ETNK1: variants seen among roughly 807,000 people sequenced by gnomAD.
The protein encoded by ETNK1 is putative protein product of Nbla10396.
A neutral mutation model predicts 45.1 loss-of-function variants in ETNK1; 8 were observed. That is an observed-to-expected ratio of 0.18 (90% CI 0.10 to 0.32). ETNK1 has a LOEUF of 0.32. ETNK1 is among the 10% of genes least tolerant of loss of function. ETNK1 has a pLI of 1.00. For missense variants in ETNK1, 302 were observed against 430.6 expected, an observed-to-expected ratio of 0.70 and a Z score of 2.64; for synonymous variants, 152 against 151.9, an observed-to-expected ratio of 1.00 and a Z score of -0.01.
At chr12:22,656,911 T>A in intron 2 of ETNK1, 3 of 605,728 alleles carry the variant, frequency 5.0e-6, no homozygotes, top group Non-Finnish European at 4.1e-6. Flanking sequence ...CCCTTGTGTT[T>A]CATGTAACAC....
chr12:22,662,887 C>CT (rs1362125116), intron 4 of ETNK1, among the ~76,000 whole-genome samples: 1 of 152,154 alleles, frequency 6.6e-6, no homozygotes, highest in Non-Finnish European at 1.5e-5. Flanking sequence ...ATAGATATAG[C>CT]TGACTTTCAC....
In ETNK1 at chr12:22,661,120, G is replaced by A; in HGVS notation, c.615G>A (p.Lys205=). The A allele has an allele frequency of 6.2e-7, 1 of 1,612,618 alleles. No individual in the cohort carries two copies. The highest frequency in any genetic ancestry group is 1.1e-5 in the South Asian group (1 of 90,894). ...QILQEEMTWM[K]EILSNLGSPV... ...TCCAGGAAGAGATGACTTGGATGAA[G>A]GAGATTCTTTCCAACCTGGGCTCAC... Residue 205 remains lysine, a synonymous_variant, in exon 4 of 8, where the codon AAG becomes AAA. Transcript: ENST00000266517.
intron 6 of ETNK1, among the ~76,000 whole-genome samples, chr12:22,681,571 GTTT>G (rs1402068869): frequency 6.6e-6 from 1 of 151,726 alleles, no homozygotes; most frequent in Non-Finnish European, 1.5e-5. Flanking sequence ...ACAAGCTTTT[GTTT>G]TTGTGAAATA....
chr12:22,625,311 C>T lies in ETNK1; in HGVS notation c.-120C>T. On this transcript the variant is annotated 5_prime_UTR_variant, in exon 1 of 8. Transcript: ENST00000266517. ...TGCCGCTCGCCCGCCCGTCCCAGCG[C>T]CCCCAGCCCTCCCGCGAGGGCGCCC... The T allele has an allele frequency of 6.2e-7, 1 of 1,603,586 alleles. No individual in the cohort carries two copies. The highest frequency in any genetic ancestry group is 8.5e-7 in the Non-Finnish European group (1 of 1,176,084).
chr12:22,645,787 G>A (rs1370601065), intron 2 of ETNK1, among the ~76,000 whole-genome samples: 3 of 151,482 alleles, frequency 2.0e-5, no homozygotes, highest in East Asian at 3.9e-4. Flanking sequence ...TTTCCTTGCT[G>A]TATTATTGAA....
At chr12:22,668,167 A>G (rs1954072910) in intron 4 of ETNK1, among the ~76,000 whole-genome samples, 1 of 152,230 alleles carries the variant, frequency 6.6e-6, no homozygotes, top group Non-Finnish European at 1.5e-5. Flanking sequence ...GTGCACATAC[A>G]CATAAAATTT....
At chr12:22,669,873 C>A (rs1405391549) in intron 4 of ETNK1, among the ~76,000 whole-genome samples, 2 of 151,892 alleles carry the variant, frequency 1.3e-5, no homozygotes, top group Non-Finnish European at 2.9e-5. Context: ...TTTATTGTCA[C>A]CAATATTTTT....
At chr12:22,655,333 T>TGG (rs1565442922) in intron 2 of ETNK1, among the ~76,000 whole-genome samples, 2 of 137,630 alleles carry the variant, frequency 1.5e-5, no homozygotes, top group East Asian at 5.7e-4. Flanking sequence ...TGTTTGTTTT[T>TGG]TTTTTTTTTT....
In ETNK1 at chr12:22,685,250, A is replaced by T. The variant is rs1310525737; in HGVS notation, c.*296A>T. The T allele has an allele frequency of 8.8e-6, 2 of 228,472 alleles. No individual in the cohort carries two copies. Among genetic ancestry groups the T allele is most frequent in the Non-Finnish European group, 1.7e-5 (2 of 117,182 alleles). The allele number at this position is 228,472 out of a possible 1,614,324, so 14.2% of individuals were successfully genotyped here. A position where few individuals can be genotyped will look rare whatever the true frequency, so the allele number is the denominator to read the frequency against. On this transcript the variant is annotated 3_prime_UTR_variant, in exon 8 of 8. Transcript: ENST00000266517. ...CTATGTTGTATGTGAATTATTTATTATAAACTTAGCACGATTCTGTGACTG... is the reference window on the plus strand; with the variant it reads ...CTATGTTGTATGTGAATTATTTATTTTAAACTTAGCACGATTCTGTGACTG...
chr12:22,647,519 A>T (rs1953822216), intron 2 of ETNK1, among the ~76,000 whole-genome samples: 1 of 151,946 alleles, frequency 6.6e-6, no homozygotes, highest in Non-Finnish European at 1.5e-5. Flanking sequence ...ACAAAGGAGA[A>T]TTATGCTACT....
intron 2 of ETNK1, among the ~76,000 whole-genome samples, chr12:22,652,595 G>T (rs1229097022): frequency 6.6e-6 from 1 of 152,144 alleles, no homozygotes; most frequent in Non-Finnish European, 1.5e-5. Flanking sequence ...TTTGCCTAAT[G>T]AGTAGTAATG....
rs60368698 is a variant in ETNK1 at position 22,662,056 on chromosome 12, A to AC, written c.700+862dup. 6.2e-3 allele frequency among the ~76,000 whole-genome samples: 773 copies of AC among 124,450 alleles called. 15 individuals carry two copies. Among genetic ancestry groups the AC allele is most frequent in the African/African-American group, 0.023 (655 of 28,850 alleles). 81.6% of individuals were successfully genotyped at this position (124,450 alleles called of 152,430 possible). A position where few individuals can be genotyped will look rare whatever the true frequency, so the allele number is the denominator to read the frequency against. On this transcript the variant is annotated intron_variant, in intron 4 of 7. Coordinates refer to ENST00000266517, the MANE Select transcript of ETNK1 (RefSeq NM_018638.5). Reference sequence around the variant, plus strand: ...ATTTTATAGGAAACTAGTTCCCCGCACCCCCCCCCCCTTTTTTTTTCCTTT... The same window carrying AC: ...ATTTTATAGGAAACTAGTTCCCCGCACCCCCCCCCCCCTTTTTTTTTCCTTT...
At chr12:22,626,774 A>G (rs1953506015) in intron 1 of ETNK1, among the ~76,000 whole-genome samples, 1 of 152,190 alleles carries the variant, frequency 6.6e-6, no homozygotes, top group Non-Finnish European at 1.5e-5. Flanking sequence ...AAATTTTGAA[A>G]TTTAAGGGAG....
rs544472894 is a variant in ETNK1, at chr12:22,663,059, G to C, written c.700+1854G>C. 3.9e-5 allele frequency among the ~76,000 whole-genome samples: 6 copies of C among 152,278 alleles called. No homozygotes were observed. The South Asian group carries it at 6.2e-4, about 16-fold the overall frequency. ...TTTTTGTTTTGAATCATCTTGAAAT[G>C]CTTGTGTGGAATCATTTTTAAAATT... On this transcript the variant is annotated intron_variant, in intron 4 of 7. Coordinates refer to ENST00000266517, the MANE Select transcript of ETNK1 (RefSeq NM_018638.5).
At chr12:22,668,267 G>A (rs569739532) in intron 4 of ETNK1, among the ~76,000 whole-genome samples, 89 of 152,308 alleles carry the variant, frequency 5.8e-4, no homozygotes, top group African/African-American at 1.9e-3. Context: ...TGCTATATGA[G>A]CTAGTTAATT....
At chr12:22,646,207 AG>A (rs1953805025) in intron 2 of ETNK1, among the ~76,000 whole-genome samples, 1 of 151,900 alleles carries the variant, frequency 6.6e-6, no homozygotes, top group Admixed American at 6.6e-5. Context: ...ATTGTTAAGC[AG>A]GTCTTAGTCA....
rs766460988 is a variant in ETNK1, at chr12:22,625,583, G to T, written c.153G>T (p.Leu51=). 6.3e-6 allele frequency: 10 copies of T among 1,583,578 alleles called. 1 individual carries two copies. The highest frequency in any genetic ancestry group is 1.7e-5 in the Admixed American group (1 of 57,724). ...ACTGGGACCCCCAGGAGGTGACCCT[G>T]CAGGTAACGCCCACACCTCAGCTCT... ...RPHWDPQEVT[L]QLFTDGITNK... is the part of the protein sequence containing the mutation. The change falls in exon 1 of 8, where the codon CTG becomes CTT. Residue 51 remains leucine (L), a synonymous_variant. Transcript: ENST00000266517.
chr12:22,650,797 A>T (rs1243509422), intron 2 of ETNK1, among the ~76,000 whole-genome samples: 1 of 152,190 alleles, frequency 6.6e-6, no homozygotes, highest in Non-Finnish European at 1.5e-5. Flanking sequence ...TTGCTAGCAG[A>T]AAACAATTGA....
At chr12:22,666,332 A>G (rs182115939) in intron 4 of ETNK1, among the ~76,000 whole-genome samples, 1 of 152,348 alleles carries the variant, frequency 6.6e-6, no homozygotes, top group Non-Finnish European at 1.5e-5. Flanking sequence ...AACCAAAAGC[A>G]GCAGTTCTTG....
Sources: gnomAD v4.1 joint callset for allele counts (sites outside exome capture counted in the v4.1 genomes callset) on GRCh38, gnomAD v4.1.1 for gene constraint, MANE v1.5 for transcripts, NCBI Gene and HGNC (gene_info 2026-07-23, HGNC 2026-07-21) for gene names.